The following ZZEF1 variants were observed in gnomAD, a reference collection of about 807,000 sequenced individuals.
ZZEF1 encodes zinc finger ZZ-type and EF-hand domain containing 1, also known as zinc finger ZZ-type and EF-hand domain-containing protein 1.
A neutral mutation model predicts 342.8 loss-of-function variants in ZZEF1; 157 were observed. The observed-to-expected ratio is 0.46, with a 90% CI of 0.40 to 0.52. The LOEUF is 0.52. ZZEF1 is among the 20% of genes least tolerant of loss of function. The pLI is 0.00. For missense variants in ZZEF1, 3,480 were observed against 3,725.6 expected, an observed-to-expected ratio of 0.93 and a Z score of 1.72; for synonymous variants, 1,505 against 1,429.1, an observed-to-expected ratio of 1.05 and a Z score of -1.20.
intron 1 of ZZEF1, among the ~76,000 whole-genome samples, chr17:4,125,027 T>A: frequency 6.6e-6 from 1 of 152,192 alleles, no homozygotes; most frequent in East Asian, 1.9e-4. Context: ...GCTGCCTGGA[T>A]TAAGTAACAT....
intron 1 of ZZEF1, among the ~76,000 whole-genome samples, chr17:4,137,186 T>G (rs1046873712): frequency 6.6e-6 from 1 of 152,126 alleles, no homozygotes; most frequent in African/African-American, 2.4e-5. Context: ...AGGTGGTATT[T>G]TGGAAATCAG....
chr17:4,097,645 G>C (rs1263837063), intron 9 of ZZEF1, among the ~76,000 whole-genome samples: 1 of 152,036 alleles, frequency 6.6e-6, no homozygotes, highest in African/African-American at 2.4e-5. Flanking sequence ...ACTGTGTTCT[G>C]TGGAAATGTT....
chr17:4,033,280 G>A, intron 40 of ZZEF1: 2 of 338,442 alleles, frequency 5.9e-6, no homozygotes, highest in Non-Finnish European at 1.1e-5. Flanking sequence ...AAACACAGAA[G>A]AAAATGTAGT....
Position 4,076,748 on chromosome 17 carries a change from C to T in ZZEF1, c.3123G>A (p.Leu1041=). The T allele has an allele frequency of 6.2e-7, 1 of 1,609,350 alleles. No individual in the cohort carries two copies. The highest frequency in any genetic ancestry group is 8.5e-7 in the Non-Finnish European group (1 of 1,176,976). Reference sequence around the variant, plus strand: ...GGATGTCTAAAGTGCAGAAGTCCAGCAGGAAGATAACCTAATGGAAGATGG... The same window carrying T: ...GGATGTCTAAAGTGCAGAAGTCCAGTAGGAAGATAACCTAATGGAAGATGG... ...SMAARQLVIF[L]LDFCTLDIPH... Residue 1041 remains leucine (L), a synonymous_variant, in exon 21 of 55, where the codon CTG becomes CTA. Transcript: ENST00000381638.
At chr17:4,129,118 T>C (rs1162302526) in intron 1 of ZZEF1, among the ~76,000 whole-genome samples, 1 of 152,158 alleles carries the variant, frequency 6.6e-6, no homozygotes, top group Non-Finnish European at 1.5e-5. Flanking sequence ...TCACACACTA[T>C]AAAGTTCCTC....
At chr17:4,079,589 A>G (rs2057684928) in intron 18 of ZZEF1, among the ~76,000 whole-genome samples, 1 of 152,204 alleles carries the variant, frequency 6.6e-6, no homozygotes, top group African/African-American at 2.4e-5. Flanking sequence ...AAAATAGAGC[A>G]TAGTTTTTTA....
rs762138341 is a variant in ZZEF1 at position 4,058,046 on chromosome 17, G to T, written c.5113C>A (p.Leu1705Ile). Residue 1705 changes from leucine (L) to isoleucine (I), a missense_variant, in exon 32 of 55, where the codon CTC becomes ATC. Physicochemically the swap from Leu to Ile is conservative, Grantham distance 5 (BLOSUM62 2). Transcript: ENST00000381638. ...AFFVDIQLPD[L>I]LMKMSQENIS... Reference sequence around the variant, plus strand: ...TTCTCCTGTGACATTTTCATGAGGAGATCTGGTAACTGAATATCAACAAAG... The same window carrying T: ...TTCTCCTGTGACATTTTCATGAGGATATCTGGTAACTGAATATCAACAAAG... 55 of 1,614,070 alleles carry T rather than the reference G, an allele frequency of 3.4e-5. 1 individual carries two copies. In the South Asian group the frequency reaches 5.5e-4, roughly 16 times the overall value.
At chr17:4,046,570 A>G (rs2056918160) in intron 37 of ZZEF1, among the ~76,000 whole-genome samples, 1 of 152,192 alleles carries the variant, frequency 6.6e-6, no homozygotes, top group Non-Finnish European at 1.5e-5. Context: ...CCCTCTGCAT[A>G]TGTAACCTCA....
Position 4,051,973 on chromosome 17 carries a change from G to A in ZZEF1, c.5598C>T (p.Tyr1866=), listed in dbSNP as rs144435726. The A allele has an allele frequency of 1.0e-4, 167 of 1,613,580 alleles. No homozygotes were observed. The highest frequency in any genetic ancestry group is 1.3e-4 in the Non-Finnish European group (154 of 1,179,748). The change falls in exon 35 of 55, where the codon TAC becomes TAT. Residue 1866 remains tyrosine, a splice_region_variant and synonymous_variant. Coordinates refer to ENST00000381638, the MANE Select transcript of ZZEF1 (RefSeq NM_015113.4). ...GGCGACGGTCACTTGAGACATACCC[G>A]TAGGAGTATTTCTTCGCTGCATAGC... ...YGCYAAKKYS[Y]GHLPTHSITA... is the part of the protein sequence containing the mutation.
At chr17:4,049,685 T>A in intron 37 of ZZEF1, 23 bp downstream of exon 37, 2 of 1,613,710 alleles carry the variant, frequency 1.2e-6, no homozygotes, top group Non-Finnish European at 1.7e-6. Context: ...TGTGATTCTG[T>A]GTAGTAAAGA....
rs2057398235 is a variant in ZZEF1, at chr17:4,066,445, A to G, written c.4249+2T>C. On this transcript the variant is annotated splice_donor_variant, in intron 28 of 54. Transcript: ENST00000381638. LOFTEE classifies it high-confidence loss of function. Reference sequence around the variant, plus strand: ...GACAACAGCTGGTGTTAGCACACTCACCCAGGCTCTCAGGGTTCACCTCAG... The same window carrying G: ...GACAACAGCTGGTGTTAGCACACTCGCCCAGGCTCTCAGGGTTCACCTCAG... 1 of 1,614,122 alleles carries G rather than the reference A, an allele frequency of 6.2e-7. No individual in the cohort carries two copies. Among genetic ancestry groups the G allele is most frequent in the Non-Finnish European group, 8.5e-7 (1 of 1,179,996 alleles).
At position 4,004,926 on chromosome 17, in the gene ZZEF1, C is replaced by G. The variant is rs1379789034; in HGVS notation, c.*1964G>C. 3 of 152,350 alleles carry G rather than the reference C, an allele frequency of 2.0e-5. No homozygotes were observed. Among genetic ancestry groups the G allele is most frequent in the Non-Finnish European group, 4.4e-5 (3 of 68,112 alleles). The allele number at this position is 152,350 out of a possible 1,614,324, so 9.4% of individuals were successfully genotyped here. ...CAGAACAGCAAGGGCAGTGGGCGGA[C>G]AGGTGCTCTGGGGAGCCCAGCGTTT... is the stretch of plus-strand genomic sequence containing the variant. On this transcript the variant is annotated 3_prime_UTR_variant, in exon 55 of 55. Transcript: ENST00000381638.
chr17:4,082,524 T>C lies in ZZEF1; in HGVS notation c.2647-20A>G. 1 of 1,612,324 alleles carries C rather than the reference T, an allele frequency of 6.2e-7. No individual in the cohort carries two copies. Among genetic ancestry groups the C allele is most frequent in the Non-Finnish European group, 8.5e-7 (1 of 1,179,094 alleles). ...GACATTCTTCTAGAAAACCAGAAATTGTATATTCAGAAAATCTAGTCCATG... is the reference window on the plus strand; with the variant it reads ...GACATTCTTCTAGAAAACCAGAAATCGTATATTCAGAAAATCTAGTCCATG... On this transcript the variant is annotated intron_variant, in intron 16 of 54. Coordinates refer to ENST00000381638, the MANE Select transcript of ZZEF1 (RefSeq NM_015113.4).
At chr17:4,033,859 G>A (rs2145062189) in intron 40 of ZZEF1, 156 bp downstream of exon 40, 2 of 963,872 alleles carry the variant, frequency 2.1e-6, no homozygotes, top group Middle Eastern at 3.4e-4. Context: ...TGGGTTGACA[G>A]CATTGCTCAT....
intron 14 of ZZEF1, among the ~76,000 whole-genome samples, 153 bp downstream of exon 14, chr17:4,087,281 G>C (rs916952513): frequency 6.6e-6 from 1 of 151,926 alleles, no homozygotes; most frequent in Non-Finnish European, 1.5e-5. Flanking sequence ...AGAAATCTGA[G>C]GTGTTATTTT....
chr17:4,136,478 T>C (rs904704205), intron 1 of ZZEF1, among the ~76,000 whole-genome samples: 2 of 152,134 alleles, frequency 1.3e-5, no homozygotes, highest in Non-Finnish European at 2.9e-5. Context: ...GTGAGGCGAC[T>C]GAGACACTGT....
At chr17:4,025,216 G>A (rs922753543) in intron 42 of ZZEF1, 98 bp from the exon 43 acceptor site, 4 of 1,162,490 alleles carry the variant, frequency 3.4e-6, no homozygotes, top group Non-Finnish European at 2.5e-6. Context: ...ACTAAAGTAG[G>A]GACTGCAGAA....
intron 14 of ZZEF1, among the ~76,000 whole-genome samples, chr17:4,087,040 C>A (rs1029063244): frequency 2.0e-5 from 3 of 152,174 alleles, no homozygotes; most frequent in African/African-American, 4.8e-5. Context: ...CACCACCACA[C>A]CCAGCTAATT....
chr17:4,102,241 A>G lies in ZZEF1; in HGVS notation c.1672+76T>C, dbSNP rs923547579. The G allele has an allele frequency of 7.5e-6, 10 of 1,335,232 alleles. No individual in the cohort carries two copies. The African/African-American group carries it at 1.2e-4, about 16-fold the overall frequency. The allele number at this position is 1,335,232 out of a possible 1,614,324, so 82.7% of individuals were successfully genotyped here. On this transcript the variant is annotated intron_variant, in intron 9 of 54. Transcript: ENST00000381638. ...GAAGACTGCACGCCTCAAACATTTC[A>G]AAGTCTGGAGTGTGCTTTCACACAG...
Sources: allele counts gnomAD v4.1 joint callset (sites outside exome capture counted in the v4.1 genomes callset), GRCh38; gene constraint gnomAD v4.1.1; transcripts MANE v1.5; gene names NCBI Gene and HGNC (gene_info 2026-07-23, HGNC 2026-07-21).